NSMAF: variants seen among roughly 807,000 people sequenced by gnomAD.
NSMAF encodes protein FAN.
A neutral mutation model predicts 134.9 loss-of-function variants in NSMAF; 90 were observed. The ratio of observed to expected loss-of-function variants is 0.67; its 90% CI spans 0.56 to 0.79. NSMAF has a LOEUF of 0.79. Among genes scored for constraint, NSMAF ranks in the 30% least tolerant of loss-of-function variants. NSMAF has a pLI of 0.00. For synonymous variants in NSMAF, 358 were observed against 389.6 expected (o/e 0.92, Z 0.96); for missense variants, 1,010 against 1,119.0 (o/e 0.90, Z 1.39).
chr8:58,589,662 C>A (rs1243983776), intron 25 of NSMAF, 87 bp from the exon 26 acceptor site: 3 of 1,283,870 alleles, frequency 2.3e-6, no homozygotes, highest in South Asian at 1.6e-5. Context: ...TATGTTGTTT[C>A]ATTCTATACT....
At chr8:58,653,819 A>T (rs961165279) in intron 1 of NSMAF, among the ~76,000 whole-genome samples, 3 of 152,170 alleles carry the variant, frequency 2.0e-5, no homozygotes, top group Non-Finnish European at 4.4e-5. Context: ...CACTAAAAAA[A>T]TTTTTAATGA....
At position 58,659,710 on chromosome 8, in the gene NSMAF, G is replaced by A. The variant is rs1807820140; in HGVS notation, c.-79C>T. On this transcript the variant is annotated 5_prime_UTR_variant, in exon 1 of 31. Coordinates refer to ENST00000038176, the MANE Select transcript of NSMAF (RefSeq NM_003580.4). Reference sequence around the variant, plus strand: ...GCCGAGGAGGTCCGGAGGAGCCGGGGAGGGCGGGATTGGTGGCCGGCTGGG... The same window carrying A: ...GCCGAGGAGGTCCGGAGGAGCCGGGAAGGGCGGGATTGGTGGCCGGCTGGG... 4 of 1,205,560 alleles carry A rather than the reference G, an allele frequency of 3.3e-6. No homozygotes were observed. Among genetic ancestry groups the A allele is most frequent in the Non-Finnish European group, 4.3e-6 (4 of 935,994 alleles). 74.7% of individuals were successfully genotyped at this position (1,205,560 alleles called of 1,614,324 possible). A position where few individuals can be genotyped will look rare whatever the true frequency, so the allele number is the denominator to read the frequency against.
intron 11 of NSMAF, among the ~76,000 whole-genome samples, chr8:58,606,393 T>C (rs1245876124): frequency 6.6e-6 from 1 of 152,178 alleles, no homozygotes; most frequent in Non-Finnish European, 1.5e-5. Flanking sequence ...AACATAAATG[T>C]CTAGCTTTCT....
intron 27 of NSMAF, among the ~76,000 whole-genome samples, chr8:58,587,091 T>A (rs1166460220): frequency 6.6e-6 from 1 of 152,162 alleles, no homozygotes; most frequent in Non-Finnish European, 1.5e-5. Context: ...GTTCACAACC[T>A]TAGAGAAAAG....
chr8:58,621,011 T>C (rs1319194514), intron 9 of NSMAF, among the ~76,000 whole-genome samples: 1 of 152,182 alleles, frequency 6.6e-6, no homozygotes, highest in African/African-American at 2.4e-5. Flanking sequence ...ATAAAATATA[T>C]GTCTTGGGGG....
At chr8:58,590,208 ATT>A in intron 24 of NSMAF, 134 bp from the exon 25 acceptor site, 1 of 734,590 alleles carries the variant, frequency 1.4e-6, no homozygotes, top group Non-Finnish European at 2.3e-6. Context: ...ATTTACGCAG[ATT>A]TTCTCAACTG....
At chr8:58,617,636 G>A (rs1049322158) in intron 9 of NSMAF, among the ~76,000 whole-genome samples, 1 of 152,136 alleles carries the variant, frequency 6.6e-6, no homozygotes, top group Non-Finnish European at 1.5e-5. Flanking sequence ...AGTTAGAATG[G>A]CAATCATTAA....
In NSMAF at chr8:58,587,118, C is replaced by T. The variant is rs75450902; in HGVS notation, c.2295+500G>A. Reference sequence around the variant, plus strand: ...AGAGAAAAGGCAGTACTGTCAACTACAGCATAAGATGCAGCAGCGTGACCC... The same window carrying T: ...AGAGAAAAGGCAGTACTGTCAACTATAGCATAAGATGCAGCAGCGTGACCC... On this transcript the variant is annotated intron_variant, in intron 27 of 30. Transcript: ENST00000038176. Among the ~76,000 whole-genome samples the T allele has an allele frequency of 3.1e-4, 47 of 152,342 alleles. No homozygotes were observed. In the East Asian group the frequency reaches 8.3e-3, roughly 27 times the overall value.
Position 58,609,622 on chromosome 8 carries a change from CT to C in NSMAF, c.668del (p.Gln223ArgfsTer13). 6.2e-7 allele frequency: 1 copy of C among 1,614,144 alleles called. No homozygotes were observed. The highest frequency in any genetic ancestry group is 8.5e-7 in the Non-Finnish European group (1 of 1,180,000). On this transcript the variant is annotated frameshift_variant, in exon 10 of 31. Coordinates refer to ENST00000038176, the MANE Select transcript of NSMAF (RefSeq NM_003580.4). LOFTEE classifies it high-confidence loss of function. Reference protein sequence around the residue: ...VCITDTNLYFQPLNGYPKPVV... With the variant: ...VCITDTNLYFXPLNGYPKPVV... ...TACACACCGGGTAGCCGTTGAGGGG[CT>C]GAAAATACAGGTTTGTGTCCGTGAT... is the stretch of plus-strand genomic sequence containing the variant.
rs187270825 is a variant in NSMAF, at chr8:58,603,657, G to A, written c.869-271C>T. ...ACCTAAACAAATACAAAAGTGTAGC[G>A]CAAATATATAAATATTACATGTTAA... is the stretch of plus-strand genomic sequence containing the variant. On this transcript the variant is annotated intron_variant, in intron 12 of 30. Transcript: ENST00000038176. 1.3e-3 allele frequency among the ~76,000 whole-genome samples: 193 copies of A among 152,112 alleles called. 1 individual carries two copies. Among genetic ancestry groups the A allele is most frequent in the Middle Eastern group, 3.4e-3 (1 of 294 alleles).
chr8:58,607,399 G>T (rs1405021025), intron 11 of NSMAF, among the ~76,000 whole-genome samples: 1 of 152,192 alleles, frequency 6.6e-6, no homozygotes, highest in African/African-American at 2.4e-5. Flanking sequence ...ACATCTTCCA[G>T]ATTTTGCTTT....
At chr8:58,589,942 C>T in intron 25 of NSMAF, 65 bp downstream of exon 25, 5 of 1,390,882 alleles carry the variant, frequency 3.6e-6, no homozygotes, top group Non-Finnish European at 5.1e-6. Context: ...GCTTTTCACA[C>T]CTCATGTCCA....
chr8:58,586,160 A>C (rs1805880445), intron 28 of NSMAF, among the ~76,000 whole-genome samples, 160 bp from the exon 29 acceptor site: 1 of 152,152 alleles, frequency 6.6e-6, no homozygotes, highest in African/African-American at 2.4e-5. Flanking sequence ...AAATGGTTCT[A>C]GCCCTTTCCA....
intron 1 of NSMAF, among the ~76,000 whole-genome samples, chr8:58,650,673 A>T (rs928533430): frequency 1.3e-5 from 2 of 152,124 alleles, no homozygotes; most frequent in South Asian, 4.1e-4. Context: ...GTATGACAGG[A>T]TCCCTCTCAA....
chr8:58,636,246 C>T (rs187978409), intron 2 of NSMAF, among the ~76,000 whole-genome samples: 1 of 152,174 alleles, frequency 6.6e-6, no homozygotes, highest in African/African-American at 2.4e-5. Flanking sequence ...TTGTGTATAA[C>T]CCCCTGGGAC....
chr8:58,626,248 G>A (rs1039963590), intron 6 of NSMAF, among the ~76,000 whole-genome samples: 1 of 150,524 alleles, frequency 6.6e-6, no homozygotes, highest in African/African-American at 2.5e-5. Context: ...ACAGGCACTT[G>A]CCTCGCCCGG....
chr8:58,659,538 C>G lies in NSMAF; in HGVS notation c.59+35G>C, dbSNP rs552124339. The G allele has an allele frequency of 7.2e-6, 11 of 1,522,830 alleles. No homozygotes were observed. In the South Asian group the frequency reaches 1.1e-4, roughly 15 times the overall value. The allele number at this position is 1,522,830 out of a possible 1,614,324, so 94.3% of individuals were successfully genotyped here. A position where few individuals can be genotyped will look rare whatever the true frequency, so the allele number is the denominator to read the frequency against. On this transcript the variant is annotated intron_variant, in intron 1 of 30. Coordinates refer to ENST00000038176, the MANE Select transcript of NSMAF (RefSeq NM_003580.4). ...GTCCCCACGACCGGCCCCGACTAGG[C>G]CCCCGGCTGGGCCCTTCTTCAGCTG...
chr8:58,614,554 C>A (rs923850646), intron 9 of NSMAF, among the ~76,000 whole-genome samples: 2 of 152,158 alleles, frequency 1.3e-5, no homozygotes. Context: ...GAGTTATGAA[C>A]CTGTTACAAT....
At chr8:58,622,665 T>C (rs1201098560) in intron 9 of NSMAF, among the ~76,000 whole-genome samples, 1 of 152,092 alleles carries the variant, frequency 6.6e-6, no homozygotes, top group Non-Finnish European at 1.5e-5. Context: ...AGTGCTGGGA[T>C]TACAGGCATG....
Sources: gnomAD v4.1 joint callset for allele counts (sites outside exome capture counted in the v4.1 genomes callset) on GRCh38, gnomAD v4.1.1 for gene constraint, MANE v1.5 for transcripts, NCBI Gene and HGNC (gene_info 2026-07-23, HGNC 2026-07-21) for gene names.